IGSF21: variants seen among roughly 807,000 people sequenced by gnomAD.
The protein encoded by IGSF21 is immunoglobin superfamily member 21.
A neutral mutation model predicts 46.8 loss-of-function variants in IGSF21; 28 were observed. That is an observed-to-expected ratio of 0.60 (90% CI 0.44 to 0.82). The LOEUF is 0.82. Among genes scored for constraint, IGSF21 ranks in the 40% least tolerant of loss-of-function variants. The pLI is 0.00. For synonymous variants in IGSF21, 284 were observed against 273.6 expected (o/e 1.04, Z -0.38); for missense variants, 624 against 665.5 (o/e 0.94, Z 0.69).
chr1:18,339,251 G>A (rs2085803561), intron 4 of IGSF21, among the ~76,000 whole-genome samples: 1 of 152,208 alleles, frequency 6.6e-6, no homozygotes, highest in African/African-American at 2.4e-5. Flanking sequence ...GGCAGGAGCG[G>A]GGCGTCCCAC....
chr1:18,376,917 A>G lies in IGSF21; in HGVS notation c.1219A>G (p.Asn407Asp). Residue 407 changes from asparagine (N) to aspartate (D), a missense_variant, in exon 8 of 10, where the codon AAT (asparagine) becomes GAT (aspartate). Physicochemically the swap from Asn to Asp is conservative, Grantham distance 23 (BLOSUM62 1). Coordinates refer to ENST00000251296, the MANE Select transcript of IGSF21 (RefSeq NM_032880.5). The part of the protein sequence containing the change: ...LVLERVPAEL[N>D]GSMYRCTAQN... ...GCTGGAGCGGGTTCCCGCCGAGCTC[A>G]ATGGCTCCATGTATCGCTGCACCGC... The G allele has an allele frequency of 6.2e-7, 1 of 1,612,752 alleles. No homozygotes were observed. Among genetic ancestry groups the G allele is most frequent in the South Asian group, 1.1e-5 (1 of 91,050 alleles).
intron 1 of IGSF21, among the ~76,000 whole-genome samples, chr1:18,155,232 C>T (rs2086557527): frequency 6.6e-6 from 1 of 152,128 alleles, no homozygotes; most frequent in Non-Finnish European, 1.5e-5. Flanking sequence ...CAAGGCTGTC[C>T]TGTTACACCT....
At chr1:18,143,618 C>G (rs988773527) in intron 1 of IGSF21, among the ~76,000 whole-genome samples, 1 of 152,140 alleles carries the variant, frequency 6.6e-6, no homozygotes, top group African/African-American at 2.4e-5. Context: ...CCTGGCAGAG[C>G]CTGGCTGGAC....
intron 1 of IGSF21, among the ~76,000 whole-genome samples, chr1:18,116,526 G>C (rs1175716424): frequency 6.6e-6 from 1 of 152,202 alleles, no homozygotes; most frequent in Non-Finnish European, 1.5e-5. Context: ...CTCCTGATGG[G>C]GCCAGCAGGC....
rs1017707270 is a variant in IGSF21, at chr1:18,251,104, G to T, written c.183+23094G>T. 2.0e-5 allele frequency among the ~76,000 whole-genome samples: 3 copies of T among 152,234 alleles called. No homozygotes were observed. The South Asian group carries it at 6.2e-4, about 32-fold the overall frequency. On this transcript the variant is annotated intron_variant, in intron 2 of 9. Transcript: ENST00000251296. ...GGATGAGCGTGGTCACACTGTCAAG[G>T]GATTAGACTGTGTTCTTGGAAAATA...
chr1:18,251,629 T>C (rs1039241733), intron 2 of IGSF21, among the ~76,000 whole-genome samples: 1 of 152,180 alleles, frequency 6.6e-6, no homozygotes, highest in Non-Finnish European at 1.5e-5. Context: ...CGGATGCAAC[T>C]GTGAGGGAGG....
chr1:18,320,699 T>C (rs1055072358), intron 3 of IGSF21, among the ~76,000 whole-genome samples: 6 of 152,216 alleles, frequency 3.9e-5, no homozygotes, highest in African/African-American at 9.6e-5. Flanking sequence ...CCAGCCATTC[T>C]CAAATATTTT....
intron 1 of IGSF21, among the ~76,000 whole-genome samples, chr1:18,149,697 G>A (rs965168183): frequency 2.0e-5 from 3 of 152,072 alleles, no homozygotes; most frequent in African/African-American, 7.2e-5. Context: ...GGCTTCCTTC[G>A]GGGCAGGATC....
At chr1:18,156,678 G>T (rs1439531709) in intron 1 of IGSF21, among the ~76,000 whole-genome samples, 2 of 152,184 alleles carry the variant, frequency 1.3e-5, no homozygotes, top group Non-Finnish European at 2.9e-5. Flanking sequence ...AAAGTTAAGG[G>T]AAGATTCCAA....
At chr1:18,230,416 T>C (rs1399612088) in intron 2 of IGSF21, among the ~76,000 whole-genome samples, 2 of 152,152 alleles carry the variant, frequency 1.3e-5, no homozygotes, top group Non-Finnish European at 2.9e-5. Context: ...ACTAATTAAT[T>C]TATTTTATTT....
At chr1:18,231,802 C>T (rs982702902) in intron 2 of IGSF21, among the ~76,000 whole-genome samples, 2 of 152,090 alleles carry the variant, frequency 1.3e-5, no homozygotes, top group African/African-American at 2.4e-5. Flanking sequence ...CTGGAATACA[C>T]TGTGCTCACC....
intron 1 of IGSF21, among the ~76,000 whole-genome samples, chr1:18,225,301 G>A (rs1241835549): frequency 6.6e-6 from 1 of 151,842 alleles, no homozygotes; most frequent in Non-Finnish European, 1.5e-5. Context: ...ACCCTGGCAT[G>A]CCTCTGTGAA....
chr1:18,159,981 C>T (rs1337013628), intron 1 of IGSF21, among the ~76,000 whole-genome samples: 2 of 152,260 alleles, frequency 1.3e-5, no homozygotes, highest in East Asian at 1.9e-4. Context: ...TTGCCTGGCC[C>T]TGGGTATGTC....
chr1:18,222,455 G>A (rs1338319473), intron 1 of IGSF21, among the ~76,000 whole-genome samples: 1 of 152,202 alleles, frequency 6.6e-6, no homozygotes. Context: ...AAGGGAAGGG[G>A]GTTGGCGGGA....
At chr1:18,220,635 G>A (rs943786377) in intron 1 of IGSF21, among the ~76,000 whole-genome samples, 5 of 152,014 alleles carry the variant, frequency 3.3e-5, no homozygotes, top group Admixed American at 1.3e-4. Flanking sequence ...AGTAATTTTC[G>A]GTGTCCCAAG....
chr1:18,232,510 C>T (rs2084638135), intron 2 of IGSF21, among the ~76,000 whole-genome samples: 1 of 152,108 alleles, frequency 6.6e-6, no homozygotes, highest in African/African-American at 2.4e-5. Flanking sequence ...AAGGTAGATA[C>T]TATGATTAAT....
At chr1:18,262,275 G>T (rs182884482) in intron 2 of IGSF21, among the ~76,000 whole-genome samples, 3 of 152,320 alleles carry the variant, frequency 2.0e-5, no homozygotes, top group African/African-American at 4.8e-5. Context: ...CTGGGGGCAT[G>T]AACTCTGGAG....
intron 2 of IGSF21, among the ~76,000 whole-genome samples, chr1:18,245,633 G>A (rs1337151686): frequency 6.6e-6 from 1 of 152,026 alleles, no homozygotes; most frequent in Non-Finnish European, 1.5e-5. Context: ...TGATATTTTT[G>A]TTTCCTTCTT....
chr1:18,283,386 A>G (rs966452692), intron 2 of IGSF21, among the ~76,000 whole-genome samples: 1 of 152,018 alleles, frequency 6.6e-6, no homozygotes, highest in Admixed American at 6.5e-5. Context: ...GTCTTTGGGC[A>G]TCTGGTATCC....
Sources: allele counts gnomAD v4.1 joint callset (sites outside exome capture counted in the v4.1 genomes callset), GRCh38; gene constraint gnomAD v4.1.1; transcripts MANE v1.5; gene names NCBI Gene and HGNC (gene_info 2026-07-23, HGNC 2026-07-21).